The following DFFA variants were observed in gnomAD, a reference collection of about 807,000 sequenced individuals.
DFFA encodes the protein DNA fragmentation factor subunit alpha, also known as DFF45.
DFFA carries 14 observed loss-of-function variants against 28.0 expected under a neutral mutation model. The observed-to-expected ratio is 0.50, with a 90% CI of 0.33 to 0.78. DFFA has a LOEUF of 0.78. DFFA is among the 30% of genes least tolerant of loss of function. The pLI is 0.02. For synonymous variants in DFFA, 158 were observed against 170.3 expected (o/e 0.93, Z 0.56); for missense variants, 395 against 407.1 (o/e 0.97, Z 0.26).
At position 10,469,636 on chromosome 1, in the gene DFFA, T is replaced by A. The variant is rs576946812; in HGVS notation, c.137-298A>T. 1.1e-3 allele frequency among the ~76,000 whole-genome samples: 163 copies of A among 152,308 alleles called. No individual in the cohort carries two copies. The Middle Eastern group carries it at 0.017, about 16-fold the overall frequency. On this transcript the variant is annotated intron_variant, in intron 1 of 5. Transcript: ENST00000377038. ...CCCAGGTTCAAGTGATTTTCCTGCC[T>A]CAGCCTCCCGAGTAGTTGGGATTAT...
At position 10,459,156 on chromosome 1, in the gene DFFA, T is replaced by C. The variant is rs1640896123; in HGVS notation, c.*2334A>G. ...GGTGTGAGCCACTGCGCCCGGCCTATTGTGATATTTCTTTACTTAATAACT... is the reference window on the plus strand; with the variant it reads ...GGTGTGAGCCACTGCGCCCGGCCTACTGTGATATTTCTTTACTTAATAACT... On this transcript the variant is annotated 3_prime_UTR_variant, in exon 6 of 6. Coordinates refer to ENST00000377038, the MANE Select transcript of DFFA (RefSeq NM_004401.3). 1 of 152,206 alleles carries C rather than the reference T, an allele frequency of 6.6e-6. No individual in the cohort carries two copies. The highest frequency in any genetic ancestry group is 1.5e-5 in the Non-Finnish European group (1 of 68,034). 9.4% of individuals were successfully genotyped at this position (152,206 alleles called of 1,614,324 possible). A position where few individuals can be genotyped will look rare whatever the true frequency, so the allele number is the denominator to read the frequency against.
At chr1:10,461,803 TTA>T in intron 5 of DFFA, 101 bp from the exon 6 acceptor site, 3 of 1,526,090 alleles carry the variant, frequency 2.0e-6, no homozygotes, top group African/African-American at 1.4e-5. Context: ...CAGTATCCGT[TTA>T]TGTTACCTCT....
At chr1:10,461,856 C>T (rs748992357) in intron 5 of DFFA, 154 bp from the exon 6 acceptor site, 1,182 of 985,374 alleles carry the variant, frequency 1.2e-3, no homozygotes, top group South Asian at 2.3e-3. Context: ...TTAATTGCCA[C>T]GGGCTTTTTG....
chr1:10,461,445 A>G lies in DFFA; in HGVS notation c.*45T>C. ...ATGATGAGGCTGAGGGTGTCTACCA[A>G]TAACACAACGCCACAGAGCTTCCTT... On this transcript the variant is annotated 3_prime_UTR_variant, in exon 6 of 6. Transcript: ENST00000377038. 6.3e-7 allele frequency: 1 copy of G among 1,581,098 alleles called. No homozygotes were observed. The highest frequency in any genetic ancestry group is 1.1e-5 in the South Asian group (1 of 87,286).
intron 1 of DFFA, among the ~76,000 whole-genome samples, chr1:10,471,817 A>G (rs1469812019): frequency 6.6e-6 from 1 of 152,188 alleles, no homozygotes; most frequent in Non-Finnish European, 1.5e-5. Flanking sequence ...TGGTAAAGGT[A>G]TGGGGCCGGG....
At position 10,461,431 on chromosome 1, in the gene DFFA, G is replaced by T. The variant is rs1481582822; in HGVS notation, c.*59C>A. On this transcript the variant is annotated 3_prime_UTR_variant, in exon 6 of 6. Transcript: ENST00000377038. ...ACATAGGTAGTCAAATGATGAGGCT[G>T]AGGGTGTCTACCAATAACACAACGC... 2.6e-6 allele frequency: 4 copies of T among 1,558,608 alleles called. No homozygotes were observed. The highest frequency in any genetic ancestry group is 3.5e-6 in the Non-Finnish European group (4 of 1,149,608).
At position 10,463,182 on chromosome 1, in the gene DFFA, A is replaced by G. The variant is rs1209901915; in HGVS notation, c.659T>C (p.Val220Ala). 4 of 1,613,740 alleles carry G rather than the reference A, an allele frequency of 2.5e-6. No individual in the cohort carries two copies. The highest frequency in any genetic ancestry group is 2.2e-5 in the East Asian group (1 of 44,872). ...EESKAAFGEE[V>A]DAVDTGISRE... is the part of the protein sequence containing the mutation. The stretch of plus-strand genomic sequence containing the variant: ...GCTGATACCCGTGTCTACTGCATCC[A>G]CCTCCTCACCAAAGGCAGCTTTGGA... The change falls in exon 5 of 6, where the codon GTG becomes GCG. Residue 220 changes from valine to alanine, a missense_variant. Physicochemically the swap from Val to Ala is moderately conservative, Grantham distance 64. Coordinates refer to ENST00000377038, the MANE Select transcript of DFFA (RefSeq NM_004401.3).
In DFFA at chr1:10,472,450, C is replaced by A; in HGVS notation, c.9G>T (p.Val3=). 2 of 1,610,326 alleles carry A rather than the reference C, an allele frequency of 1.2e-6. 1 individual carries two copies. Among genetic ancestry groups the A allele is most frequent in the South Asian group, 2.2e-5 (2 of 90,612 alleles). Residue 3 remains valine (V), a synonymous_variant, in exon 1 of 6, where the codon GTG becomes GTT. Transcript: ENST00000377038. This position sits in a 1 kb window ranked among gnomAD's most constrained non-coding sequence, Gnocchi z 5.0. The part of the protein sequence containing the change: ME[V]TGDAGVPESG... ...ATTCTGGTACCCCGGCGTCCCCGGT[C>A]ACCTCCATCCTCCACAAGGTGGGAC...
At chr1:10,468,243 A>G (rs1322332644) in intron 2 of DFFA, among the ~76,000 whole-genome samples, 2 of 151,900 alleles carry the variant, frequency 1.3e-5, no homozygotes, top group Admixed American at 6.6e-5. Flanking sequence ...GATGGCAGGG[A>G]CAGGTAACAA....
chr1:10,466,693 G>A (rs1641027882), intron 3 of DFFA, among the ~76,000 whole-genome samples: 1 of 151,852 alleles, frequency 6.6e-6, no homozygotes, highest in Non-Finnish European at 1.5e-5. Context: ...GGGCACGGTG[G>A]CTCACGCCTA....
In DFFA at chr1:10,461,429, C is replaced by G; in HGVS notation, c.*61G>C. On this transcript the variant is annotated 3_prime_UTR_variant, in exon 6 of 6. Transcript: ENST00000377038. ...GTACATAGGTAGTCAAATGATGAGGCTGAGGGTGTCTACCAATAACACAAC... is the reference window on the plus strand; with the variant it reads ...GTACATAGGTAGTCAAATGATGAGGGTGAGGGTGTCTACCAATAACACAAC... The G allele has an allele frequency of 6.4e-7, 1 of 1,553,466 alleles. No individual in the cohort carries two copies. The highest frequency in any genetic ancestry group is 8.7e-7 in the Non-Finnish European group (1 of 1,146,900).
In DFFA at chr1:10,456,697, G is replaced by A. The variant is rs1471889616; in HGVS notation, c.*4793C>T. 1.3e-5 allele frequency: 2 copies of A among 152,126 alleles called. No homozygotes were observed. Among genetic ancestry groups the A allele is most frequent in the Non-Finnish European group, 2.9e-5 (2 of 68,034 alleles). 9.4% of individuals were successfully genotyped at this position (152,126 alleles called of 1,614,324 possible). ...TGCTTTTACCCAGAAATTAAAGGTT[G>A]GTAAGTGGTAATTAGCGTAGCTCCT... On this transcript the variant is annotated 3_prime_UTR_variant, in exon 6 of 6. Coordinates refer to ENST00000377038, the MANE Select transcript of DFFA (RefSeq NM_004401.3).
Position 10,461,352 on chromosome 1 carries a change from T to G in DFFA, c.*138A>C. 6 of 1,414,728 alleles carry G rather than the reference T, an allele frequency of 4.2e-6. No individual in the cohort carries two copies. The highest frequency in any genetic ancestry group is 5.6e-6 in the Non-Finnish European group (6 of 1,076,612). 87.6% of individuals were successfully genotyped at this position (1,414,728 alleles called of 1,614,324 possible). ...AAAAAATTGGTGGAACGGCGTATGT[T>G]GAGACCTGGAATAGCTTCTCTGGAA... On this transcript the variant is annotated 3_prime_UTR_variant, in exon 6 of 6. Transcript: ENST00000377038.
chr1:10,462,217 C>T (rs1414107162), intron 5 of DFFA, among the ~76,000 whole-genome samples: 4 of 152,138 alleles, frequency 2.6e-5, no homozygotes, highest in Admixed American at 1.3e-4. Context: ...AGTGCAGTGG[C>T]GCGATCTTAG....
rs1291152939 is a variant in DFFA, at chr1:10,456,570, T to G, written c.*4920A>C. 6.6e-6 allele frequency: 1 copy of G among 151,732 alleles called. No homozygotes were observed. Among genetic ancestry groups the G allele is most frequent in the Non-Finnish European group, 1.5e-5 (1 of 67,976 alleles). The allele number at this position is 151,732 out of a possible 1,614,324, so 9.4% of individuals were successfully genotyped here. ...ATGTGGTTATTTATTAAAGATACAT[T>G]AATAATTCTTGTAATTGATGCAGGT... On this transcript the variant is annotated 3_prime_UTR_variant, in exon 6 of 6. Coordinates refer to ENST00000377038, the MANE Select transcript of DFFA (RefSeq NM_004401.3).
chr1:10,462,838 CTGTT>C (rs1282457128), intron 5 of DFFA: 6 of 1,391,388 alleles, frequency 4.3e-6, no homozygotes, highest in African/African-American at 1.4e-5. Context: ...GGACCAGAGT[CTGTT>C]TGATGATCTG....
intron 2 of DFFA, 74 bp downstream of exon 2, chr1:10,469,103 G>A: frequency 2.1e-6 from 3 of 1,441,024 alleles, no homozygotes; most frequent in Non-Finnish European, 2.9e-6. Flanking sequence ...AATGGCAATT[G>A]TCTGTGCAGT....
chr1:10,461,904 G>C (rs368814680), intron 5 of DFFA: 7 of 971,520 alleles, frequency 7.2e-6, no homozygotes, highest in Non-Finnish European at 6.1e-6. Flanking sequence ...ACCCAGGCTG[G>C]AGTGCAGTGA....
Position 10,458,985 on chromosome 1 carries a change from T to A in DFFA, c.*2505A>T, listed in dbSNP as rs1570097356. 2 of 152,158 alleles carry A rather than the reference T, an allele frequency of 1.3e-5. No homozygotes were observed. The highest frequency in any genetic ancestry group is 4.8e-5 in the African/African-American group (2 of 41,420). The allele number at this position is 152,158 out of a possible 1,614,324, so 9.4% of individuals were successfully genotyped here. On this transcript the variant is annotated 3_prime_UTR_variant, in exon 6 of 6. Coordinates refer to ENST00000377038, the MANE Select transcript of DFFA (RefSeq NM_004401.3). ...CTCATGCCTCAGCCTCCCAAGTAAC[T>A]GGGACTACAGGCGTGTACCACTACA...
Sources: gnomAD v4.1 joint callset for allele counts (sites outside exome capture counted in the v4.1 genomes callset) on GRCh38, gnomAD v4.1.1 for gene constraint, Gnocchi (gnomAD v3.1) non-coding constraint, MANE v1.5 for transcripts, NCBI Gene and HGNC (gene_info 2026-07-23, HGNC 2026-07-21) for gene names.